Variants in AAGAB observed in about 807,000 individuals in gnomAD.
The protein encoded by AAGAB is alpha- and gamma-adaptin-binding protein p34.
In AAGAB, 38 loss-of-function variants were observed where a neutral mutation model predicts 44.1. That is an observed-to-expected ratio of 0.86 (90% CI 0.67 to 1.13). AAGAB has a LOEUF of 1.13. AAGAB is among the 50% of genes most tolerant of loss of function. AAGAB has a pLI of 0.00. For synonymous variants in AAGAB, 131 were observed against 131.8 expected (o/e 0.99, Z 0.04); for missense variants, 450 against 373.8 (o/e 1.20, Z -1.68).
chr15:67,237,746 G>A (rs1386690699), intron 1 of AAGAB, among the ~76,000 whole-genome samples: 1 of 152,048 alleles, frequency 6.6e-6, no homozygotes, highest in Non-Finnish European at 1.5e-5. Context: ...GAAGTAAAAT[G>A]ACATGCCATT....
intron 1 of AAGAB, among the ~76,000 whole-genome samples, chr15:67,251,872 T>C (rs1393137065): frequency 6.6e-6 from 1 of 152,230 alleles, no homozygotes; most frequent in African/African-American, 2.4e-5. Flanking sequence ...GCTCAGCAAA[T>C]ACTTCATTTT....
At chr15:67,222,224 ACGCGCACGCGCGCGCGCG>A (rs1042045089) in intron 5 of AAGAB, among the ~76,000 whole-genome samples, 2 of 111,906 alleles carry the variant, frequency 1.8e-5, no homozygotes, top group Non-Finnish European at 3.6e-5. Context: ...ACATGCATGC[ACGCGCACGCGCGCGCGCG>A]CACACACACA....
intron 5 of AAGAB, among the ~76,000 whole-genome samples, chr15:67,224,821 T>C (rs1760183771): frequency 6.6e-6 from 1 of 152,176 alleles, no homozygotes. Flanking sequence ...CCTCTACTGA[T>C]CTGCCCAACT....
intron 1 of AAGAB, among the ~76,000 whole-genome samples, chr15:67,244,155 G>T (rs1444513301): frequency 6.6e-6 from 1 of 152,166 alleles, no homozygotes; most frequent in Non-Finnish European, 1.5e-5. Flanking sequence ...AACAGAATAA[G>T]TTTGATGAAT....
intron 4 of AAGAB, among the ~76,000 whole-genome samples, chr15:67,234,297 A>G (rs1449662103): frequency 6.6e-6 from 1 of 152,028 alleles, no homozygotes; most frequent in Non-Finnish European, 1.5e-5. Flanking sequence ...AAAATACTCT[A>G]CCAAGATAAG....
intron 5 of AAGAB, among the ~76,000 whole-genome samples, chr15:67,222,277 CA>C (rs1964098420): frequency 6.6e-6 from 1 of 150,912 alleles, no homozygotes; most frequent in Non-Finnish European, 1.5e-5. Context: ...CACACACACA[CA>C]CACACCCTCC....
intron 5 of AAGAB, among the ~76,000 whole-genome samples, chr15:67,222,236 G>GCACACACACACA (rs1428034588): frequency 2.5e-5 from 1 of 39,234 alleles, no homozygotes; most frequent in African/African-American, 9.2e-5. Flanking sequence ...GCGCACGCGC[G>GCACACACACACA]CGCGCGCACA....
At chr15:67,241,002 A>C (rs1420369683) in intron 1 of AAGAB, among the ~76,000 whole-genome samples, 1 of 150,798 alleles carries the variant, frequency 6.6e-6, no homozygotes, top group African/African-American at 2.4e-5. Flanking sequence ...CATGAAGTTC[A>C]AGGTGAATTC....
chr15:67,221,426 C>G (rs894422650), intron 5 of AAGAB, among the ~76,000 whole-genome samples: 3 of 152,204 alleles, frequency 2.0e-5, no homozygotes, highest in Non-Finnish European at 4.4e-5. Context: ...TTAATTGCTT[C>G]TAGGACTGCT....
At chr15:67,241,679 C>T (rs1158654910) in intron 1 of AAGAB, among the ~76,000 whole-genome samples, 1 of 152,110 alleles carries the variant, frequency 6.6e-6, no homozygotes, top group Non-Finnish European at 1.5e-5. Context: ...GATGAGAACA[C>T]TCCTCAAAAG....
chr15:67,243,249 G>C (rs748465189), intron 1 of AAGAB, among the ~76,000 whole-genome samples: 4 of 152,110 alleles, frequency 2.6e-5, no homozygotes, highest in Non-Finnish European at 5.9e-5. Flanking sequence ...TCAGGAAAGG[G>C]AGAGAGAATA....
chr15:67,212,180 C>T (rs564268101), intron 5 of AAGAB, among the ~76,000 whole-genome samples: 23 of 152,204 alleles, frequency 1.5e-4, no homozygotes, highest in Admixed American at 1.1e-3. Flanking sequence ...GGCACCCGGC[C>T]GAAATGCTTA....
chr15:67,225,548 A>G (rs1490815851), intron 5 of AAGAB, among the ~76,000 whole-genome samples: 1 of 152,160 alleles, frequency 6.6e-6, no homozygotes, highest in Non-Finnish European at 1.5e-5. Flanking sequence ...TACCATACCC[A>G]TGAGCAACCT....
rs555742903 is a variant in AAGAB, at chr15:67,233,513, A to T, written c.452-1616T>A. On this transcript the variant is annotated intron_variant, in intron 4 of 9. Transcript: ENST00000261880. ...GAAATAGTTTTCATGTGGTTAAAAAAGGAAAGTTTCCCGAGTTTACAGAAC... is the reference window on the plus strand; with the variant it reads ...GAAATAGTTTTCATGTGGTTAAAAATGGAAAGTTTCCCGAGTTTACAGAAC... Among the ~76,000 whole-genome samples the T allele has an allele frequency of 5.9e-5, 9 of 152,376 alleles. No individual in the cohort carries two copies. The South Asian group carries it at 1.9e-3, about 32-fold the overall frequency.
chr15:67,213,505 G>T (rs1963871139), intron 5 of AAGAB, among the ~76,000 whole-genome samples: 4 of 152,246 alleles, frequency 2.6e-5, no homozygotes, highest in Admixed American at 2.0e-4. Context: ...TCAAAACCTA[G>T]GCAAAGAGGG....
chr15:67,218,312 C>T (rs1349496722), intron 5 of AAGAB, among the ~76,000 whole-genome samples: 1 of 152,244 alleles, frequency 6.6e-6, no homozygotes, highest in Non-Finnish European at 1.5e-5. Flanking sequence ...GAACTCCACA[C>T]AGCACTTGTT....
At chr15:67,243,738 T>C (rs1964658263) in intron 1 of AAGAB, among the ~76,000 whole-genome samples, 1 of 152,184 alleles carries the variant, frequency 6.6e-6, no homozygotes, top group African/African-American at 2.4e-5. Flanking sequence ...GAATGCAAAA[T>C]TGGTTTTATT....
At chr15:67,207,389 TTTA>T (rs1963710437) in intron 7 of AAGAB, among the ~76,000 whole-genome samples, 1 of 152,228 alleles carries the variant, frequency 6.6e-6, no homozygotes, top group African/African-American at 2.4e-5. Context: ...TAAGTATATT[TTTA>T]AAGCCATGAG....
intron 7 of AAGAB, among the ~76,000 whole-genome samples, chr15:67,205,479 G>A (rs1297284881): frequency 6.6e-6 from 1 of 152,190 alleles, no homozygotes; most frequent in Non-Finnish European, 1.5e-5. Context: ...GAGTTTAAAT[G>A]CAGCAATGAA....
Sources: allele counts gnomAD v4.1 joint callset (sites outside exome capture counted in the v4.1 genomes callset), GRCh38; gene constraint gnomAD v4.1.1; transcripts MANE v1.5; gene names NCBI Gene and HGNC (gene_info 2026-07-23, HGNC 2026-07-21).